The following VAC14 variants were observed in gnomAD, a reference collection of about 807,000 sequenced individuals.
VAC14 encodes protein VAC14 homolog.
VAC14 carries 47 observed loss-of-function variants against 85.3 expected under a neutral mutation model. That is an observed-to-expected ratio of 0.55 (90% CI 0.44 to 0.70). The LOEUF is 0.70. Among genes scored for constraint, VAC14 ranks in the 30% least tolerant of loss-of-function variants. VAC14 has a pLI of 0.00. For missense variants in VAC14, 861 were observed against 1,004.3 expected (o/e 0.86, Z 1.93); for synonymous variants, 447 against 430.5 (o/e 1.04, Z -0.47).
intron 12 of VAC14, among the ~76,000 whole-genome samples, chr16:70,760,967 G>GTT (rs2032294325): frequency 1.5e-5 from 1 of 66,032 alleles, no homozygotes; most frequent in Non-Finnish European, 2.9e-5. Context: ...GAGAGGGTGT[G>GTT]TGTGTGTGTG....
intron 1 of VAC14, among the ~76,000 whole-genome samples, chr16:70,789,496 T>C (rs754065960): frequency 3.9e-5 from 6 of 152,108 alleles, no homozygotes; most frequent in Non-Finnish European, 8.8e-5. Context: ...ACACAGCTGC[T>C]CACATCTGGG....
At chr16:70,784,390 C>T (rs982969068) in intron 4 of VAC14, among the ~76,000 whole-genome samples, 170 bp from the exon 5 acceptor site, 2 of 152,138 alleles carry the variant, frequency 1.3e-5, no homozygotes, top group African/African-American at 2.4e-5. Context: ...TCCCAGTCCA[C>T]GGGATACGAA....
At chr16:70,756,092 G>A (rs2031824761) in intron 12 of VAC14, 1 of 456,726 alleles carries the variant, frequency 2.2e-6, no homozygotes, top group African/African-American at 2.0e-5. Context: ...GATAAGGTAA[G>A]GGAGTACATC....
rs1474118247 is a variant in VAC14 at position 70,692,886 on chromosome 16, G to A, written c.2121C>T (p.Ser707=). 1 of 1,608,408 alleles carries A rather than the reference G, an allele frequency of 6.2e-7. No individual in the cohort carries two copies. Reference sequence around the variant, plus strand: ...GGTGCGAGAGCAGCTGGAAGGCGCTGCTCTGCGGCAGGAGCATGAGCAGGC... The same window carrying A: ...GGTGCGAGAGCAGCTGGAAGGCGCTACTCTGCGGCAGGAGCATGAGCAGGC... ...LYGLLMLLPQ[S]SAFQLLSHRL... is the part of the protein sequence containing the mutation. Residue 707 remains serine, a synonymous_variant, in exon 18 of 19, where the codon AGC becomes AGT. Transcript: ENST00000261776.
intron 1 of VAC14, among the ~76,000 whole-genome samples, chr16:70,795,648 C>A (rs1013728580): frequency 2.0e-5 from 3 of 152,240 alleles, no homozygotes; most frequent in African/African-American, 7.2e-5. Context: ...TCGCCTCCCC[C>A]ACAGCCAGCA....
intron 12 of VAC14, among the ~76,000 whole-genome samples, chr16:70,751,946 A>C (rs377191225): frequency 2.2e-4 from 33 of 152,364 alleles, no homozygotes; most frequent in African/African-American, 5.3e-4. Context: ...CAAGGAAGGA[A>C]AGTGTTGCCT....
At chr16:70,775,895 G>T (rs2033491962) in intron 9 of VAC14, among the ~76,000 whole-genome samples, 2 of 152,156 alleles carry the variant, frequency 1.3e-5, no homozygotes, top group South Asian at 4.1e-4. Flanking sequence ...GAAGGATTGG[G>T]CACTTCTTAT....
chr16:70,726,755 C>T (rs768790356), intron 14 of VAC14, among the ~76,000 whole-genome samples: 21 of 152,158 alleles, frequency 1.4e-4, no homozygotes, highest in African/African-American at 9.7e-5. Flanking sequence ...GCCTCAACTC[C>T]CTGCTGCTAA....
At chr16:70,765,177 G>A (rs2032709554) in intron 10 of VAC14, among the ~76,000 whole-genome samples, 1 of 152,188 alleles carries the variant, frequency 6.6e-6, no homozygotes, top group Non-Finnish European at 1.5e-5. Context: ...GGACATGTAG[G>A]CTGCCAGGGT....
chr16:70,790,419 C>T (rs1252433182), intron 1 of VAC14, among the ~76,000 whole-genome samples: 1 of 152,156 alleles, frequency 6.6e-6, no homozygotes, highest in African/African-American at 2.4e-5. Context: ...AGCAAGGGAC[C>T]CTGGACACTT....
intron 13 of VAC14, among the ~76,000 whole-genome samples, chr16:70,732,499 TTGGA>T (rs1447423523): frequency 2.6e-5 from 4 of 152,174 alleles, no homozygotes; most frequent in Non-Finnish European, 5.9e-5. Context: ...GATGGAATAC[TTGGA>T]TGGTCTGGGG....
intron 1 of VAC14, among the ~76,000 whole-genome samples, chr16:70,795,286 G>A (rs1465735334): frequency 6.6e-6 from 1 of 151,980 alleles, no homozygotes; most frequent in Non-Finnish European, 1.5e-5. Context: ...CTAACATGGT[G>A]AAACCCGATC....
chr16:70,732,203 G>A (rs2054611618), intron 13 of VAC14, among the ~76,000 whole-genome samples: 1 of 152,158 alleles, frequency 6.6e-6, no homozygotes, highest in Non-Finnish European at 1.5e-5. Flanking sequence ...ACAGCCACTC[G>A]ATTACGGACA....
At chr16:70,697,563 C>G (rs1289108763) in intron 15 of VAC14, among the ~76,000 whole-genome samples, 2 of 152,196 alleles carry the variant, frequency 1.3e-5, no homozygotes, top group Admixed American at 6.5e-5. Context: ...AATTGTCCCC[C>G]CTCCCCACCC....
At chr16:70,750,289 A>G (rs2031275305) in intron 12 of VAC14, among the ~76,000 whole-genome samples, 1 of 152,218 alleles carries the variant, frequency 6.6e-6, no homozygotes, top group African/African-American at 2.4e-5. Flanking sequence ...AGCCACACCA[A>G]TTAGTATGCG....
intron 12 of VAC14, among the ~76,000 whole-genome samples, chr16:70,758,515 G>A (rs1194542049): frequency 6.6e-6 from 1 of 152,226 alleles, no homozygotes; most frequent in Non-Finnish European, 1.5e-5. Flanking sequence ...AGGCTGGGAG[G>A]CAGCTGTGCC....
intron 14 of VAC14, among the ~76,000 whole-genome samples, chr16:70,720,348 C>T (rs116162144): frequency 6.6e-6 from 1 of 152,242 alleles, no homozygotes; most frequent in African/African-American, 2.4e-5. Flanking sequence ...TTACAGTCAC[C>T]AAAGACATCC....
intron 10 of VAC14, 51 bp from the exon 11 acceptor site, chr16:70,763,076 C>T: frequency 6.2e-7 from 1 of 1,611,300 alleles, no homozygotes; most frequent in Middle Eastern, 1.7e-4. Context: ...CCATAGCCCT[C>T]TCCCATGGAG....
intron 18 of VAC14, 36 bp from the exon 19 acceptor site, chr16:70,688,126 A>G: frequency 2.0e-6 from 3 of 1,499,208 alleles, no homozygotes; most frequent in Non-Finnish European, 1.8e-6. Flanking sequence ...AGTGTCAGGG[A>G]TCAGCTCACA....
Sources: allele counts gnomAD v4.1 joint callset (sites outside exome capture counted in the v4.1 genomes callset), GRCh38; gene constraint gnomAD v4.1.1; transcripts MANE v1.5; gene names NCBI Gene and HGNC (gene_info 2026-07-23, HGNC 2026-07-21).